GYS1: variants seen among roughly 807,000 people sequenced by gnomAD.
GYS1 encodes glycogen synthase 1, also known as glycogen [starch] synthase, muscle.
In GYS1, 60 loss-of-function variants were observed where a neutral mutation model predicts 89.1. The ratio of observed to expected loss-of-function variants is 0.67; its 90% CI spans 0.55 to 0.84. The LOEUF (loss-of-function observed/expected upper bound fraction) is 0.84, where lower values mean the gene tolerates loss of function less well. GYS1 is among the 40% of genes least tolerant of loss of function. The probability of loss-of-function intolerance (pLI) is 0.00; values close to 1 mark genes in which losing one functional copy is unlikely to be tolerated. For synonymous variants in GYS1, 366 were observed against 401.7 expected (o/e 0.91, Z 1.06); for missense variants, 888 against 1,003.1 (o/e 0.89, Z 1.55).
At chr19:48,973,681 G>C (rs1415314321) in intron 12 of GYS1, among the ~76,000 whole-genome samples, 1 of 151,860 alleles carries the variant, frequency 6.6e-6, no homozygotes, top group African/African-American at 2.4e-5. Flanking sequence ...ACCACACCTG[G>C]CTAATTTTTG....
intron 10 of GYS1, among the ~76,000 whole-genome samples, chr19:48,977,373 A>C (rs142660412): frequency 6.6e-6 from 1 of 152,168 alleles, no homozygotes; most frequent in Non-Finnish European, 1.5e-5. Context: ...CAGACAGAAC[A>C]CTTGAGGTCA....
chr19:48,977,086 C>T (rs954372077), intron 10 of GYS1, among the ~76,000 whole-genome samples: 12 of 151,718 alleles, frequency 7.9e-5, no homozygotes, highest in Admixed American at 5.9e-4. Context: ...AGCTACCAAG[C>T]TGGGCCTTGA....
Position 48,970,628 on chromosome 19 carries a change from T to C in GYS1, c.1727A>G (p.Gln576Arg). The change falls in exon 14 of 16, where the codon CAG becomes CGG. Residue 576 changes from glutamine to arginine, a missense_variant. Gln to Arg is a conservative substitution (Grantham distance 43). Transcript: ENST00000323798. ...QLTSFLYSFCQQSRRQRIIQR... is the reference protein window; with the variant it reads ...QLTSFLYSFCRQSRRQRIIQR... ...GATGATACGCTGCCGCCGGCTCTGCTGACAGAAACTGTAGAGGAAGGAGGT... is the reference window on the plus strand; with the variant it reads ...GATGATACGCTGCCGCCGGCTCTGCCGACAGAAACTGTAGAGGAAGGAGGT... The C allele has an allele frequency of 1.2e-6, 2 of 1,614,018 alleles. No homozygotes were observed. Among genetic ancestry groups the C allele is most frequent in the Non-Finnish European group, 1.7e-6 (2 of 1,179,954 alleles).
rs1193899575 is a variant in GYS1 at position 48,974,156 on chromosome 19, C to T, written c.1549+57G>A. ...AGAAGGCCAGTGCCTCGCCCCAAGACATGCTAGCTCTGACTAGGATGCCAT... is the reference window on the plus strand; with the variant it reads ...AGAAGGCCAGTGCCTCGCCCCAAGATATGCTAGCTCTGACTAGGATGCCAT... On this transcript the variant is annotated intron_variant, in intron 12 of 15. Transcript: ENST00000323798. 6 of 1,544,534 alleles carry T rather than the reference C, an allele frequency of 3.9e-6. No individual in the cohort carries two copies. The African/African-American group carries it at 6.8e-5, about 18-fold the overall frequency.
intron 8 of GYS1, 50 bp from the exon 9 acceptor site, chr19:48,978,207 T>C (rs773293304): frequency 9.1e-6 from 13 of 1,428,506 alleles, no homozygotes; most frequent in South Asian, 3.4e-5. Flanking sequence ...TGCCATTTAC[T>C]GTTAGGCTTC....
chr19:48,985,031 T>G (rs1343050095), intron 5 of GYS1, among the ~76,000 whole-genome samples: 1 of 152,192 alleles, frequency 6.6e-6, no homozygotes, highest in Non-Finnish European at 1.5e-5. Flanking sequence ...TAAATGCATT[T>G]TTTTATTTTT....
At chr19:48,981,973 A>G (rs2038770854) in intron 7 of GYS1, among the ~76,000 whole-genome samples, 1 of 151,390 alleles carries the variant, frequency 6.6e-6, no homozygotes, top group East Asian at 1.9e-4. Context: ...GCTCACTGCA[A>G]CCTCCACCTC....
At chr19:48,990,001 G>GT (rs1258708002) in intron 2 of GYS1, among the ~76,000 whole-genome samples, 1 of 125,622 alleles carries the variant, frequency 8.0e-6, no homozygotes, top group Non-Finnish European at 1.7e-5. Flanking sequence ...CTTTTGCTGG[G>GT]GGGGGGGGGG....
At chr19:48,986,630 G>A (rs1452100119) in intron 3 of GYS1, among the ~76,000 whole-genome samples, 5 of 151,618 alleles carry the variant, frequency 3.3e-5, no homozygotes, top group Non-Finnish European at 5.9e-5. Context: ...AGCCTCCCAA[G>A]TAGCTGGGAT....
intron 2 of GYS1, among the ~76,000 whole-genome samples, chr19:48,989,175 G>T (rs1041878966): frequency 2.0e-5 from 3 of 151,578 alleles, no homozygotes; most frequent in Non-Finnish European, 4.4e-5. Flanking sequence ...AGGCTGGAGT[G>T]CAGTGGTGCA....
At chr19:48,982,233 C>A (rs2038775734) in intron 7 of GYS1, 22 bp downstream of exon 7, 4 of 1,612,408 alleles carry the variant, frequency 2.5e-6, no homozygotes, top group African/African-American at 2.7e-5. Context: ...CCCTCCCTGT[C>A]CCCTCATAGC....
chr19:48,983,587 C>T (rs1480977178), intron 5 of GYS1, among the ~76,000 whole-genome samples: 1 of 152,152 alleles, frequency 6.6e-6, no homozygotes, highest in Non-Finnish European at 1.5e-5. Flanking sequence ...TAAAGTATAT[C>T]AACGAAAAAC....
intron 10 of GYS1, among the ~76,000 whole-genome samples, chr19:48,976,016 G>A (rs1412678816): frequency 6.6e-6 from 1 of 151,386 alleles, no homozygotes. Flanking sequence ...GAGCAAGACA[G>A]AGCTAGTGTG....
At chr19:48,970,004 T>C (rs1028305203) in intron 14 of GYS1, 149 bp from the exon 15 acceptor site, 6 of 656,144 alleles carry the variant, frequency 9.1e-6, no homozygotes, top group Non-Finnish European at 1.7e-5. Context: ...CCACCCCTTA[T>C]GTAGATAAGC....
At position 48,979,646 on chromosome 19, in the gene GYS1, CTTTTT is replaced by C. The variant is rs56291141; in HGVS notation, c.1170-1494_1170-1490del. On this transcript the variant is annotated intron_variant, in intron 8 of 15. Coordinates refer to ENST00000323798, the MANE Select transcript of GYS1 (RefSeq NM_002103.5). ...GCCACCGCGCCCAGCCTCTTTCTTT[CTTTTT>C]TTTTTTTTTTTTTTTGAGACCGAGT... Among the ~76,000 whole-genome samples the C allele has an allele frequency of 1.1e-3, 126 of 114,938 alleles. 2 individuals are homozygous for C. Among genetic ancestry groups the C allele is most frequent in the African/African-American group, 2.5e-3 (76 of 30,546 alleles). The allele number at this position is 114,938 out of a possible 152,430, so 75.4% of individuals were successfully genotyped here.
intron 5 of GYS1, among the ~76,000 whole-genome samples, chr19:48,984,186 T>G (rs1272255778): frequency 6.6e-6 from 1 of 151,782 alleles, no homozygotes; most frequent in Non-Finnish European, 1.5e-5. Context: ...TTTGTATTTT[T>G]GGCAGAGAGG....
intron 5 of GYS1, among the ~76,000 whole-genome samples, chr19:48,983,047 C>T (rs1047176181): frequency 1.3e-5 from 2 of 152,106 alleles, no homozygotes; most frequent in African/African-American, 4.8e-5. Context: ...AGAGCAGTGG[C>T]ACAATCACAG....
rs557227821 is a variant in GYS1, at chr19:48,981,811, G to A, written c.1063-175C>T. Among the ~76,000 whole-genome samples the A allele has an allele frequency of 3.2e-4, 49 of 152,142 alleles. No individual in the cohort carries two copies. The South Asian group carries it at 5.8e-3, about 18-fold the overall frequency. ...TTCTGGGTCTCTATACTCCCCTCAC[G>A]GCCCCCCACCATACTCAGGGGCTTT... On this transcript the variant is annotated intron_variant, in intron 7 of 15. Transcript: ENST00000323798.
At position 48,977,977 on chromosome 19, in the gene GYS1, T is replaced by C. The variant is rs1213787864; in HGVS notation, c.1255A>G (p.Met419Val). 7.4e-6 allele frequency: 12 copies of C among 1,613,944 alleles called. No individual in the cohort carries two copies. Among genetic ancestry groups the C allele is most frequent in the Non-Finnish European group, 1.0e-5 (12 of 1,179,962 alleles). The change falls in exon 10 of 16, where the codon ATG becomes GTG. Residue 419 changes from methionine to valine, a missense_variant. Coordinates refer to ENST00000323798, the MANE Select transcript of GYS1 (RefSeq NM_002103.5). ...LVGSLPDMNK[M>V]LDKEDFTMMK... The stretch of plus-strand genomic sequence containing the variant: ...ATAGTGAAGTCTTCCTTATCCAGCA[T>C]CTTGTTCATGTCGGGAAGGCTCCCA...
Sources: allele counts gnomAD v4.1 joint callset (sites outside exome capture counted in the v4.1 genomes callset), GRCh38; gene constraint gnomAD v4.1.1; transcripts MANE v1.5; gene names NCBI Gene and HGNC (gene_info 2026-07-23, HGNC 2026-07-21).